ANKFN1: variants seen among roughly 807,000 people sequenced by gnomAD.
ANKFN1 encodes the protein ankyrin repeat and fibronectin type-III domain-containing protein 1.
In ANKFN1, 74 loss-of-function variants were observed where a neutral mutation model predicts 108.7. That is an observed-to-expected ratio of 0.68 (90% CI 0.56 to 0.83). ANKFN1 has a LOEUF of 0.83. Among genes scored for constraint, ANKFN1 ranks in the 40% least tolerant of loss-of-function variants. The pLI, the probability that ANKFN1 is intolerant of heterozygous loss-of-function variation, is 0.00. For synonymous variants in ANKFN1, 547 were observed against 516.2 expected (o/e 1.06, Z -0.81); for missense variants, 1,505 against 1,382.3 (o/e 1.09, Z -1.41).
chr17:56,435,263 A>T lies in ANKFN1; in HGVS notation c.911-5064A>T, dbSNP rs560449057. Among the ~76,000 whole-genome samples, 305 of 152,136 alleles carry T rather than the reference A, an allele frequency of 2.0e-3. 2 individuals carry two copies. Among genetic ancestry groups the T allele is most frequent in the Admixed American group, 5.2e-3 (79 of 15,274 alleles). The stretch of plus-strand genomic sequence containing the variant: ...ACCAAACATTTACTGAGCCACCTAC[A>T]CTCTGCTAGGTGCTATGATAGGTGC... On this transcript the variant is annotated intron_variant, in intron 8 of 20. Coordinates refer to ENST00000682825, the MANE Select transcript of ANKFN1 (RefSeq NM_001370326.1).
chr17:56,116,140 C>T (rs1212005566), intron 4 of ANKFN1, among the ~76,000 whole-genome samples: 3 of 152,092 alleles, frequency 2.0e-5, no homozygotes, highest in Admixed American at 1.3e-4. Flanking sequence ...CTTTTTTCAG[C>T]TTTCTTAATG....
At chr17:56,062,446 T>G (rs1904990258) in intron 4 of ANKFN1, among the ~76,000 whole-genome samples, 2 of 152,242 alleles carry the variant, frequency 1.3e-5, no homozygotes, top group Admixed American at 6.5e-5. Flanking sequence ...TTAGAATAGT[T>G]AGCCCTTCTT....
chr17:56,477,756 T>C, intron 16 of ANKFN1, 102 bp downstream of exon 16: 1 of 1,337,284 alleles, frequency 7.5e-7, no homozygotes, highest in Non-Finnish European at 1.0e-6. Flanking sequence ...CCAGGGCAGT[T>C]TTTATGGTGA....
chr17:56,409,861 A>C (rs2048035638), intron 8 of ANKFN1, among the ~76,000 whole-genome samples: 1 of 137,650 alleles, frequency 7.3e-6, no homozygotes, highest in Non-Finnish European at 1.5e-5. Flanking sequence ...TAGCTGTGTG[A>C]CCTTGAACAA....
chr17:56,282,342 T>C (rs2044106212), intron 3 of ANKFN1, among the ~76,000 whole-genome samples: 1 of 151,902 alleles, frequency 6.6e-6, no homozygotes. Context: ...TGCAATAGAC[T>C]AGACCTCTCT....
chr17:56,190,483 T>C (rs1190029954), intron 1 of ANKFN1, among the ~76,000 whole-genome samples: 1 of 142,134 alleles, frequency 7.0e-6, no homozygotes, highest in African/African-American at 2.7e-5. Flanking sequence ...CAGTAGTCAT[T>C]CAGGAGCAGG....
chr17:56,433,401 A>AT (rs1459671320), intron 8 of ANKFN1, among the ~76,000 whole-genome samples: 1 of 152,038 alleles, frequency 6.6e-6, no homozygotes, highest in Non-Finnish European at 1.5e-5. Flanking sequence ...TATTTCCTCA[A>AT]TTTTTTGTGC....
chr17:56,440,474 T>G (rs201126896), intron 9 of ANKFN1, 50 bp downstream of exon 9: 1 of 1,472,954 alleles, frequency 6.8e-7, no homozygotes, highest in Non-Finnish European at 9.5e-7. Flanking sequence ...ATATTTGTGC[T>G]GGGATATCAG....
At chr17:56,467,656 G>A (rs1220980750) in intron 15 of ANKFN1, among the ~76,000 whole-genome samples, 2 of 142,654 alleles carry the variant, frequency 1.4e-5, no homozygotes, top group African/African-American at 5.6e-5. Flanking sequence ...CAGCCTGGGT[G>A]ACGGAGTGAG....
At chr17:56,449,310 T>C (rs189554657) in intron 11 of ANKFN1, 124 bp downstream of exon 11, 45 of 627,330 alleles carry the variant, frequency 7.2e-5, no homozygotes, top group Non-Finnish European at 3.2e-5. Flanking sequence ...TATTTGTACA[T>C]CTGGAATCAC....
intron 4 of ANKFN1, among the ~76,000 whole-genome samples, chr17:56,081,909 C>T (rs546883636): frequency 2.0e-5 from 3 of 152,320 alleles, no homozygotes; most frequent in African/African-American, 4.8e-5. Context: ...TCTTAGTGGG[C>T]GTGTGTGAGC....
At chr17:56,157,458 C>T (rs1369404492) in intron 1 of ANKFN1, among the ~76,000 whole-genome samples, 1 of 152,208 alleles carries the variant, frequency 6.6e-6, no homozygotes, top group Non-Finnish European at 1.5e-5. Flanking sequence ...ATCATTAGCA[C>T]ACTGGGAAAC....
chr17:56,488,472 G>A (rs1568043870), intron 18 of ANKFN1, among the ~76,000 whole-genome samples: 1 of 152,206 alleles, frequency 6.6e-6, no homozygotes, highest in East Asian at 1.9e-4. Context: ...GGGAGTGATG[G>A]TGAGGTCAGT....
At chr17:56,271,122 A>G (rs925091817) in intron 3 of ANKFN1, among the ~76,000 whole-genome samples, 3 of 151,820 alleles carry the variant, frequency 2.0e-5, no homozygotes, top group African/African-American at 7.3e-5. Context: ...CGATCCTCCC[A>G]CCTCAGCCTC....
At chr17:56,218,259 G>T (rs1432056159) in intron 2 of ANKFN1, among the ~76,000 whole-genome samples, 1 of 128,068 alleles carries the variant, frequency 7.8e-6, no homozygotes, top group Non-Finnish European at 1.6e-5. Flanking sequence ...CTCTGATTCA[G>T]TTCCTCAACA....
chr17:56,235,411 A>G (rs1242907512), intron 3 of ANKFN1, among the ~76,000 whole-genome samples: 1 of 152,126 alleles, frequency 6.6e-6, no homozygotes, highest in Non-Finnish European at 1.5e-5. Flanking sequence ...TGGCATCTTC[A>G]TCAGGCCATT....
At chr17:56,326,045 C>A (rs540422512) in intron 3 of ANKFN1, among the ~76,000 whole-genome samples, 176 bp from the exon 4 acceptor site, 1 of 152,208 alleles carries the variant, frequency 6.6e-6, no homozygotes, top group Non-Finnish European at 1.5e-5. Context: ...AGGAATCAAG[C>A]CTTCCCCAGG....
At chr17:56,271,915 A>G (rs1019876609) in intron 3 of ANKFN1, among the ~76,000 whole-genome samples, 2 of 152,174 alleles carry the variant, frequency 1.3e-5, no homozygotes, top group African/African-American at 4.8e-5. Context: ...AGCATGTTGT[A>G]TAATATCAGA....
chr17:56,509,482 G>A (rs553239740), intron 20 of ANKFN1, among the ~76,000 whole-genome samples: 4 of 152,308 alleles, frequency 2.6e-5, no homozygotes, highest in Non-Finnish European at 5.9e-5. Flanking sequence ...TAGCTTTCCA[G>A]AAGTTTCATA....
Sources: gnomAD v4.1 joint callset for allele counts (sites outside exome capture counted in the v4.1 genomes callset) on GRCh38, gnomAD v4.1.1 for gene constraint, MANE v1.5 for transcripts, NCBI Gene and HGNC (gene_info 2026-07-23, HGNC 2026-07-21) for gene names.